Variants in RNF150 observed in about 807,000 individuals in gnomAD.
RNF150 encodes ring finger protein 150.
In RNF150, 24 loss-of-function variants were observed where a neutral mutation model predicts 39.3. The observed-to-expected ratio is 0.61, with a 90% CI of 0.44 to 0.86. RNF150 has a LOEUF of 0.86. RNF150 is among the 40% of genes least tolerant of loss of function. The probability of loss-of-function intolerance (pLI) is 0.00; values close to 1 mark genes in which losing one functional copy is unlikely to be tolerated. For missense variants in RNF150, 502 were observed against 587.8 expected (o/e 0.85, Z 1.51); for synonymous variants, 255 against 227.3 (o/e 1.12, Z -1.10).
At chr4:141,153,044 A>T (rs555971876) in intron 1 of RNF150, among the ~76,000 whole-genome samples, 4 of 152,322 alleles carry the variant, frequency 2.6e-5, no homozygotes, top group African/African-American at 9.6e-5. Context: ...CAACATCTTA[A>T]TTATGCACTT....
chr4:140,879,211 T>G (rs1729285040), intron 6 of RNF150, among the ~76,000 whole-genome samples: 1 of 152,218 alleles, frequency 6.6e-6, no homozygotes, highest in South Asian at 2.1e-4. Context: ...TCATGATTGT[T>G]TTGGCTATTT....
intron 4 of RNF150, among the ~76,000 whole-genome samples, chr4:140,933,560 G>A (rs1731729982): frequency 6.6e-6 from 1 of 152,182 alleles, no homozygotes; most frequent in African/African-American, 2.4e-5. Context: ...TGGGTTAAAG[G>A]ATACTCAACC....
chr4:141,167,905 G>A (rs181379456), intron 1 of RNF150, among the ~76,000 whole-genome samples: 70 of 152,042 alleles, frequency 4.6e-4, no homozygotes, highest in Non-Finnish European at 9.0e-4. Flanking sequence ...TGATTAAAAC[G>A]CCAAAAGCAA....
At chr4:140,958,193 T>C (rs1732857602) in intron 2 of RNF150, among the ~76,000 whole-genome samples, 1 of 152,078 alleles carries the variant, frequency 6.6e-6, no homozygotes, top group African/African-American at 2.4e-5. Flanking sequence ...TACATGCAAA[T>C]AATGTGCCAT....
At chr4:140,885,201 C>CTTTTT (rs752444379) in intron 6 of RNF150, among the ~76,000 whole-genome samples, 1 of 129,142 alleles carries the variant, frequency 7.7e-6, no homozygotes, top group African/African-American at 3.0e-5. Context: ...CAACATCAGT[C>CTTTTT]TTTTTTTTTT....
intron 1 of RNF150, among the ~76,000 whole-genome samples, chr4:141,184,917 G>T (rs1222648156): frequency 6.6e-6 from 1 of 151,068 alleles, no homozygotes; most frequent in Non-Finnish European, 1.5e-5. Flanking sequence ...CATGCTGTTT[G>T]GTTACTGTAG....
At chr4:141,143,459 A>T (rs1358700995) in intron 1 of RNF150, among the ~76,000 whole-genome samples, 1 of 152,120 alleles carries the variant, frequency 6.6e-6, no homozygotes, top group Non-Finnish European at 1.5e-5. Flanking sequence ...TCTTCATAAT[A>T]AATCTCAAAC....
At chr4:141,166,329 T>C (rs892642929) in intron 1 of RNF150, among the ~76,000 whole-genome samples, 1 of 151,850 alleles carries the variant, frequency 6.6e-6, no homozygotes. Flanking sequence ...ACCAAAAAAA[T>C]CCCAGGACCA....
intron 1 of RNF150, among the ~76,000 whole-genome samples, chr4:141,066,813 C>T (rs757441685): frequency 3.9e-5 from 6 of 152,146 alleles, no homozygotes; most frequent in Non-Finnish European, 8.8e-5. Flanking sequence ...TAATTACAGT[C>T]ATGCGTCACT....
rs140546600 is a variant in RNF150, at chr4:141,107,534, T to G, written c.484+24791A>C. ...CCATATAGTCTATATCTAAATAATA[T>G]GACAAGGTAGCACAATGCCTGACCC... On this transcript the variant is annotated intron_variant, in intron 1 of 6. Transcript: ENST00000515673. Among the ~76,000 whole-genome samples the G allele has an allele frequency of 7.2e-3, 1,098 of 152,312 alleles. 16 individuals are homozygous for G. The highest frequency in any genetic ancestry group is 0.024 in the African/African-American group (1,017 of 41,564).
chr4:140,942,165 C>CA lies in RNF150; in HGVS notation c.890+5488dup, dbSNP rs145127743. Among the ~76,000 whole-genome samples, 1,235 of 151,520 alleles carry CA rather than the reference C, an allele frequency of 8.2e-3. 14 individuals carry two copies. Among genetic ancestry groups the CA allele is most frequent in the Non-Finnish European group, 0.01 (701 of 67,880 alleles). Reference sequence around the variant, plus strand: ...AAATTTTATGTTATATACATTTTACCAAAAAAAACCAAAAAACAAAAAACA... The same window carrying CA: ...AAATTTTATGTTATATACATTTTACCAAAAAAAAACCAAAAAACAAAAAACA... On this transcript the variant is annotated intron_variant, in intron 4 of 6. Coordinates refer to ENST00000515673, the MANE Select transcript of RNF150 (RefSeq NM_020724.2).
intron 1 of RNF150, among the ~76,000 whole-genome samples, chr4:140,978,169 T>C (rs1336836054): frequency 2.0e-5 from 3 of 152,138 alleles, no homozygotes; most frequent in Non-Finnish European, 4.4e-5. Flanking sequence ...AAGCTCAAAA[T>C]ATGTAAGGCT....
At chr4:140,951,806 A>C (rs982166488) in intron 2 of RNF150, among the ~76,000 whole-genome samples, 3 of 152,102 alleles carry the variant, frequency 2.0e-5, no homozygotes, top group African/African-American at 4.8e-5. Flanking sequence ...ATTTAGAATA[A>C]GAATCTGAAT....
intron 6 of RNF150, among the ~76,000 whole-genome samples, chr4:140,894,981 G>C (rs1285106434): frequency 6.6e-6 from 1 of 152,132 alleles, no homozygotes; most frequent in African/African-American, 2.4e-5. Context: ...GAACTCTCAG[G>C]GAGAGCAGAC....
At chr4:140,919,159 C>G (rs1730989752) in intron 5 of RNF150, among the ~76,000 whole-genome samples, 3 of 135,090 alleles carry the variant, frequency 2.2e-5, no homozygotes, top group Admixed American at 7.8e-5. Context: ...CACACCTATT[C>G]AACATAGTGT....
intron 1 of RNF150, among the ~76,000 whole-genome samples, chr4:141,084,745 T>C (rs1738291541): frequency 6.6e-6 from 1 of 152,184 alleles, no homozygotes; most frequent in Non-Finnish European, 1.5e-5. Flanking sequence ...AAAATTTGGG[T>C]TGGACAGTGT....
intron 1 of RNF150, among the ~76,000 whole-genome samples, chr4:140,982,792 T>C (rs1198577630): frequency 1.3e-5 from 2 of 152,192 alleles, no homozygotes; most frequent in Non-Finnish European, 2.9e-5. Flanking sequence ...TTTACAACTA[T>C]GCATGCCTGC....
intron 1 of RNF150, among the ~76,000 whole-genome samples, chr4:141,180,258 C>A (rs749354851): frequency 5.3e-5 from 8 of 152,168 alleles, no homozygotes; most frequent in Non-Finnish European, 8.8e-5. Flanking sequence ...CTCATACACC[C>A]ATGTTCAAGT....
chr4:140,986,614 C>T (rs1734024714), intron 1 of RNF150, among the ~76,000 whole-genome samples: 1 of 151,892 alleles, frequency 6.6e-6, no homozygotes. Flanking sequence ...TTTCTACTGC[C>T]ATCCTGTCAT....
Sources: allele counts gnomAD v4.1 joint callset (sites outside exome capture counted in the v4.1 genomes callset), GRCh38; gene constraint gnomAD v4.1.1; transcripts MANE v1.5; gene names NCBI Gene and HGNC (gene_info 2026-07-23, HGNC 2026-07-21).